The following IL1RAPL1 variants were observed in gnomAD, a reference collection of about 807,000 sequenced individuals.
IL1RAPL1 encodes interleukin-1 receptor accessory protein-like 1.
In IL1RAPL1, 3 loss-of-function variants were observed where a neutral mutation model predicts 48.4. That is an observed-to-expected ratio of 0.06 (90% confidence interval 0.03 to 0.16). IL1RAPL1 has a LOEUF of 0.16. Ranked by LOEUF, IL1RAPL1 falls within the 10% of genes least tolerant of loss-of-function variation. IL1RAPL1 has a pLI of 1.00. For missense variants in IL1RAPL1, 349 were observed against 530.6 expected, an observed-to-expected ratio of 0.66 and a Z score of 3.36; for synonymous variants, 185 against 187.7, an observed-to-expected ratio of 0.99 and a Z score of 0.12.
intron 2 of IL1RAPL1, among the ~76,000 whole-genome samples, chrX:28,991,903 T>C (rs764077201): frequency 8.9e-6 from 1 of 112,227 alleles, no homozygotes; most frequent in South Asian, 3.6e-4. Flanking sequence ...CTAGTAATTA[T>C]GTGAATAATA....
In IL1RAPL1 at chrX:28,956,624, G is replaced by A. The variant is rs1297156768; in HGVS notation, c.82+167199G>A. Among the ~76,000 whole-genome samples the A allele has an allele frequency of 2.8e-4, 28 of 101,237 alleles. No homozygotes were observed. The East Asian group carries it at 6.4e-3, about 23-fold the overall frequency. 87.9% of individuals were successfully genotyped at this position (101,237 alleles called of 115,157 possible). On this transcript the variant is annotated intron_variant, in intron 2 of 10. Transcript: ENST00000378993. ...CCAGGGATGAAGCCCACTTGATCAT[G>A]GTGGATAAGCTTTTTGATGTGCTGC...
chrX:29,478,775 C>T (rs996776203), intron 5 of IL1RAPL1, among the ~76,000 whole-genome samples: 4 of 109,764 alleles, frequency 3.6e-5, no homozygotes, highest in Admixed American at 1.9e-4. Context: ...TTCTCTCTGC[C>T]GGGAGTGTTC....
At chrX:29,457,688 T>A (rs2147731447) in intron 5 of IL1RAPL1, among the ~76,000 whole-genome samples, 1 of 112,270 alleles carries the variant, frequency 8.9e-6, no homozygotes, top group African/African-American at 3.2e-5. Flanking sequence ...TGTTTTCTTT[T>A]GGTAGAATTA....
At chrX:29,221,926 G>C (rs1252289319) in intron 2 of IL1RAPL1, among the ~76,000 whole-genome samples, 1 of 105,238 alleles carries the variant, frequency 9.5e-6, no homozygotes, top group Non-Finnish European at 1.9e-5. Context: ...CAGGAGAATC[G>C]CTTGACCCAG....
At chrX:28,624,191 T>G (rs1934314340) in intron 1 of IL1RAPL1, among the ~76,000 whole-genome samples, 1 of 111,731 alleles carries the variant, frequency 9.0e-6, no homozygotes, top group African/African-American at 3.3e-5. Flanking sequence ...AATAATTCTC[T>G]TACTTTTCTT....
At chrX:29,781,118 G>A (rs1031136310) in intron 6 of IL1RAPL1, among the ~76,000 whole-genome samples, 2 of 111,767 alleles carry the variant, frequency 1.8e-5, no homozygotes, top group Non-Finnish European at 3.8e-5. Context: ...CAATCACACC[G>A]ATAACTTCTA....
chrX:29,668,290 T>A, intron 5 of IL1RAPL1, 140 bp from the exon 6 acceptor site: 1 of 531,067 alleles, frequency 1.9e-6, no homozygotes, highest in Non-Finnish European at 3.3e-6. Flanking sequence ...TTATCTGCAG[T>A]ATGTTCATCG....
At chrX:28,732,367 C>A (rs146872824) in intron 1 of IL1RAPL1, among the ~76,000 whole-genome samples, 5 of 111,468 alleles carry the variant, frequency 4.5e-5, no homozygotes, top group African/African-American at 1.3e-4. Flanking sequence ...GAAGAACAAT[C>A]GAAATTTACG....
intron 5 of IL1RAPL1, among the ~76,000 whole-genome samples, chrX:29,451,844 TAGAG>T (rs1319498969): frequency 1.8e-5 from 2 of 111,933 alleles, no homozygotes; most frequent in African/African-American, 3.2e-5. Flanking sequence ...ATTTTAAAAA[TAGAG>T]AGGAAAATAA....
At chrX:29,712,335 A>C (rs990476039) in intron 6 of IL1RAPL1, among the ~76,000 whole-genome samples, 2 of 111,572 alleles carry the variant, frequency 1.8e-5, no homozygotes, top group African/African-American at 6.5e-5. Flanking sequence ...GCTTCAGTAG[A>C]TAATTTATAA....
At chrX:29,320,908 C>CATT (rs745894984) in intron 3 of IL1RAPL1, among the ~76,000 whole-genome samples, 1 of 110,845 alleles carries the variant, frequency 9.0e-6, no homozygotes, top group Non-Finnish European at 1.9e-5. Context: ...AACTCATTAT[C>CATT]ATTATTATTA....
At chrX:29,914,069 T>C (rs1358763433) in intron 6 of IL1RAPL1, among the ~76,000 whole-genome samples, 3 of 111,440 alleles carry the variant, frequency 2.7e-5, no homozygotes, top group Non-Finnish European at 3.8e-5. Flanking sequence ...AGCAAGCCCA[T>C]CTCAAGACTG....
intron 5 of IL1RAPL1, among the ~76,000 whole-genome samples, chrX:29,464,764 A>G (rs1423389603): frequency 8.9e-6 from 1 of 112,203 alleles, no homozygotes; most frequent in Non-Finnish European, 1.9e-5. Context: ...AAAGAATGAG[A>G]TATTGTCCTT....
At chrX:29,107,233 G>T (rs186832734) in intron 2 of IL1RAPL1, among the ~76,000 whole-genome samples, 1 of 112,133 alleles carries the variant, frequency 8.9e-6, no homozygotes, top group East Asian at 2.8e-4. Context: ...TTTGTTCTCT[G>T]TTGGCTGTAA....
intron 1 of IL1RAPL1, among the ~76,000 whole-genome samples, chrX:28,768,747 CTCTCTCTCTATATA>C (rs1210309324): frequency 3.0e-4 from 21 of 70,902 alleles, no homozygotes; most frequent in Non-Finnish European, 4.1e-4. Context: ...CTCTCTCTCT[CTCTCTCTCTATATA>C]TATATATATA....
intron 1 of IL1RAPL1, among the ~76,000 whole-genome samples, chrX:28,639,393 C>A (rs1318794292): frequency 1.8e-5 from 2 of 112,126 alleles, no homozygotes; most frequent in Admixed American, 1.9e-4. Flanking sequence ...AATTACCTGA[C>A]CTTCAGCTAG....
chrX:28,949,269 T>G (rs1484368319), intron 2 of IL1RAPL1, among the ~76,000 whole-genome samples: 1 of 109,824 alleles, frequency 9.1e-6, no homozygotes, highest in East Asian at 2.9e-4. Flanking sequence ...AGAAAAGGTG[T>G]TTTTTGTTTT....
intron 2 of IL1RAPL1, among the ~76,000 whole-genome samples, chrX:28,837,079 T>C (rs1921240072): frequency 1.8e-5 from 2 of 111,011 alleles, no homozygotes; most frequent in African/African-American, 6.6e-5. Context: ...GTGACAAAAC[T>C]TATATATATT....
intron 2 of IL1RAPL1, among the ~76,000 whole-genome samples, chrX:29,207,114 C>T (rs1031618692): frequency 9.0e-6 from 1 of 110,971 alleles, no homozygotes. Context: ...TGGTACTGCA[C>T]GGCTAAATTT....
Sources: gnomAD v4.1 joint callset for allele counts (sites outside exome capture counted in the v4.1 genomes callset) on GRCh38, gnomAD v4.1.1 for gene constraint, MANE v1.5 for transcripts, NCBI Gene and HGNC (gene_info 2026-07-23, HGNC 2026-07-21) for gene names.